Variants in NLK observed in about 807,000 individuals in gnomAD.
NLK encodes the protein nemo like kinase.
NLK carries 11 observed loss-of-function variants against 59.0 expected under a neutral mutation model. The observed-to-expected ratio is 0.19, with a 90% CI of 0.12 to 0.31. NLK has a LOEUF of 0.31. NLK is among the 10% of genes least tolerant of loss of function. NLK has a pLI of 1.00. For missense variants in NLK, 410 were observed against 661.1 expected, an observed-to-expected ratio of 0.62 and a Z score of 4.16; for synonymous variants, 235 against 235.9, an observed-to-expected ratio of 1.00 and a Z score of 0.03.
chr17:28,115,362 C>T (rs374030180), intron 1 of NLK, among the ~76,000 whole-genome samples: 2 of 152,160 alleles, frequency 1.3e-5, no homozygotes, highest in African/African-American at 2.4e-5. Context: ...AGTGTTTAGG[C>T]GGATGGGTTT....
At chr17:28,060,841 A>G (rs1432246356) in intron 1 of NLK, among the ~76,000 whole-genome samples, 6 of 152,204 alleles carry the variant, frequency 3.9e-5, no homozygotes, top group Non-Finnish European at 7.3e-5. Flanking sequence ...ATTGGAGAGC[A>G]GTTTCGCAAA....
chr17:28,167,394 G>A lies in NLK; in HGVS notation c.838-1054G>A, dbSNP rs890014905. Among the ~76,000 whole-genome samples, 7 of 150,608 alleles carry A rather than the reference G, an allele frequency of 4.6e-5. No individual in the cohort carries two copies. The South Asian group carries it at 6.3e-4, about 14-fold the overall frequency. On this transcript the variant is annotated intron_variant, in intron 5 of 10. Transcript: ENST00000407008. ...CGGGACTACAGGTGCACACCACCAC[G>A]CCCAGCTTTTTTTTTTTTTAATTGT...
chr17:28,046,691 A>G (rs376663522), intron 1 of NLK, among the ~76,000 whole-genome samples: 2 of 152,216 alleles, frequency 1.3e-5, no homozygotes, highest in African/African-American at 4.8e-5. Context: ...AAAGAGTTTC[A>G]GGGGCTCATA....
chr17:28,126,844 A>C (rs1906308208), intron 2 of NLK, among the ~76,000 whole-genome samples: 1 of 152,184 alleles, frequency 6.6e-6, no homozygotes, highest in Non-Finnish European at 1.5e-5. Flanking sequence ...AATCTGGCAG[A>C]ATCTTCTCTC....
intron 2 of NLK, among the ~76,000 whole-genome samples, chr17:28,125,020 C>T (rs1233597652): frequency 6.6e-6 from 1 of 151,956 alleles, no homozygotes; most frequent in Non-Finnish European, 1.5e-5. Flanking sequence ...TGCACTCCAG[C>T]CTGGGCACAG....
intron 1 of NLK, among the ~76,000 whole-genome samples, chr17:28,095,269 A>G (rs1432970969): frequency 6.6e-6 from 1 of 152,138 alleles, no homozygotes; most frequent in Admixed American, 6.5e-5. Context: ...TCTGTAGTGC[A>G]GTACCCCCTC....
chr17:28,091,765 A>G (rs1597674995), intron 1 of NLK, among the ~76,000 whole-genome samples: 1 of 152,226 alleles, frequency 6.6e-6, no homozygotes, highest in East Asian at 1.9e-4. Flanking sequence ...TGTTAATTCC[A>G]TTTTGCAGTA....
intron 1 of NLK, among the ~76,000 whole-genome samples, chr17:28,100,348 T>G (rs1904863153): frequency 6.6e-6 from 1 of 152,194 alleles, no homozygotes; most frequent in Non-Finnish European, 1.5e-5. Context: ...TTTCAGACTT[T>G]TTTAAAACCA....
intron 1 of NLK, among the ~76,000 whole-genome samples, chr17:28,084,854 AC>A (rs1163769488): frequency 6.6e-6 from 1 of 151,956 alleles, no homozygotes; most frequent in African/African-American, 2.4e-5. Context: ...GAGCCACCGC[AC>A]CCAGCCCCTG....
chr17:28,182,964 A>G (rs1358763916), intron 7 of NLK, among the ~76,000 whole-genome samples: 2 of 152,374 alleles, frequency 1.3e-5, no homozygotes, highest in Admixed American at 1.3e-4. Flanking sequence ...ATATAAAACA[A>G]GAAGCCCAGG....
chr17:28,055,095 CTTT>C (rs1041966713), intron 1 of NLK, among the ~76,000 whole-genome samples: 2 of 132,122 alleles, frequency 1.5e-5, no homozygotes. Context: ...ATTTTTTTTT[CTTT>C]TTTTTTTTTT....
chr17:28,136,985 CTT>C (rs369856892), intron 3 of NLK, among the ~76,000 whole-genome samples: 1 of 149,914 alleles, frequency 6.7e-6, no homozygotes, highest in East Asian at 2.0e-4. Context: ...TCAGTTTCCT[CTT>C]TTTTTCTCCT....
At chr17:28,145,746 C>T (rs1907218123) in intron 3 of NLK, among the ~76,000 whole-genome samples, 1 of 151,960 alleles carries the variant, frequency 6.6e-6, no homozygotes, top group Non-Finnish European at 1.5e-5. Context: ...CACTCTGTCA[C>T]CCAGGCTGGA....
At chr17:28,176,214 A>T (rs1046396569) in intron 7 of NLK, among the ~76,000 whole-genome samples, 1 of 152,218 alleles carries the variant, frequency 6.6e-6, no homozygotes, top group Non-Finnish European at 1.5e-5. Context: ...GGGCAAGTTC[A>T]ATCTCACTGT....
chr17:28,058,735 C>T (rs1443755623), intron 1 of NLK, among the ~76,000 whole-genome samples: 3 of 152,158 alleles, frequency 2.0e-5, no homozygotes, highest in Admixed American at 2.0e-4. Context: ...ATAACCACTG[C>T]ATCTAGCCTG....
intron 1 of NLK, among the ~76,000 whole-genome samples, chr17:28,089,675 A>T (rs996100826): frequency 1.1e-4 from 16 of 152,038 alleles, no homozygotes; most frequent in Non-Finnish European, 2.4e-4. Context: ...ACCACCTCAC[A>T]TTTCCACCAA....
At chr17:28,150,601 CA>C (rs1907438145) in intron 3 of NLK, among the ~76,000 whole-genome samples, 1 of 152,118 alleles carries the variant, frequency 6.6e-6, no homozygotes, top group Admixed American at 6.6e-5. Flanking sequence ...AATACAGAGA[CA>C]TTGTTACTTC....
intron 3 of NLK, among the ~76,000 whole-genome samples, chr17:28,135,429 C>T (rs1005702164): frequency 1.3e-5 from 2 of 152,172 alleles, no homozygotes; most frequent in Admixed American, 6.5e-5. Flanking sequence ...ACTAATATGG[C>T]GTAGCCCAAG....
chr17:28,162,631 C>T (rs904829429), intron 4 of NLK, among the ~76,000 whole-genome samples: 6 of 151,662 alleles, frequency 4.0e-5, no homozygotes, highest in East Asian at 1.9e-4. Context: ...AGTGAGACTC[C>T]GTCTCAAAAA....
Sources: gnomAD v4.1 joint callset for allele counts (sites outside exome capture counted in the v4.1 genomes callset) on GRCh38, gnomAD v4.1.1 for gene constraint, MANE v1.5 for transcripts, NCBI Gene and HGNC (gene_info 2026-07-23, HGNC 2026-07-21) for gene names.